The following PCDH9 variants were observed in gnomAD, a reference collection of about 807,000 sequenced individuals.
PCDH9 encodes the protein protocadherin 9.
Under a neutral mutation model 70.6 loss-of-function variants are expected in PCDH9, and 24 were observed. The observed-to-expected ratio is 0.34, with a 90% CI of 0.25 to 0.48. PCDH9 has a LOEUF of 0.48. Among genes scored for constraint, PCDH9 ranks in the 20% least tolerant of loss-of-function variants. The pLI, the probability that PCDH9 is intolerant of heterozygous loss-of-function variation, is 0.99. For missense variants in PCDH9, 1,281 were observed against 1,503.6 expected (o/e 0.85, Z 2.45); for synonymous variants, 562 against 558.5 (o/e 1.01, Z -0.09).
intron 4 of PCDH9, among the ~76,000 whole-genome samples, chr13:66,386,413 CT>C (rs938718453): frequency 1.3e-5 from 2 of 152,064 alleles, no homozygotes; most frequent in Non-Finnish European, 2.9e-5. Flanking sequence ...ATGAACATGA[CT>C]TTTTTGGATG....
chr13:67,079,157 T>A (rs965238566), intron 2 of PCDH9, among the ~76,000 whole-genome samples: 1 of 151,922 alleles, frequency 6.6e-6, no homozygotes. Flanking sequence ...TACTATGACC[T>A]GAAATATACT....
chr13:66,751,556 C>T (rs747331741), intron 3 of PCDH9, among the ~76,000 whole-genome samples: 7 of 152,014 alleles, frequency 4.6e-5, no homozygotes, highest in South Asian at 2.1e-4. Context: ...TTTATGTTAA[C>T]AATTATGTCT....
rs567835271 is a variant in PCDH9 at position 66,305,833 on chromosome 13, T to C, written c.3341-805A>G. Among the ~76,000 whole-genome samples, 24 of 152,194 alleles carry C rather than the reference T, an allele frequency of 1.6e-4. No homozygotes were observed. The South Asian group carries it at 4.8e-3, about 30-fold the overall frequency. On this transcript the variant is annotated intron_variant, in intron 4 of 4. Transcript: ENST00000377865. ...CTAACATTCAGGGGGAAGAAAGTGA[T>C]CATAGAATTTATCTTCTACTTTTTT...
chr13:66,504,933 C>G (rs1251854606), intron 4 of PCDH9, among the ~76,000 whole-genome samples: 5 of 152,184 alleles, frequency 3.3e-5, no homozygotes, highest in Non-Finnish European at 5.9e-5. Context: ...AATTCAAACT[C>G]CTTACCAGAG....
At chr13:66,752,825 A>G (rs1228216613) in intron 3 of PCDH9, among the ~76,000 whole-genome samples, 1 of 152,202 alleles carries the variant, frequency 6.6e-6, no homozygotes, top group African/African-American at 2.4e-5. Flanking sequence ...GATGTTCAGA[A>G]AAGAGAAATA....
intron 2 of PCDH9, among the ~76,000 whole-genome samples, chr13:67,184,898 A>G (rs2088711413): frequency 6.6e-6 from 1 of 152,116 alleles, no homozygotes; most frequent in Non-Finnish European, 1.5e-5. Flanking sequence ...TCATCCTTCA[A>G]ACCTCATCTT....
chr13:66,415,235 C>T (rs1336126055), intron 4 of PCDH9, among the ~76,000 whole-genome samples: 1 of 152,098 alleles, frequency 6.6e-6, no homozygotes, highest in East Asian at 1.9e-4. Flanking sequence ...CATCCCTCAC[C>T]TTTCTAATCA....
intron 3 of PCDH9, among the ~76,000 whole-genome samples, chr13:66,878,387 C>A (rs1268308406): frequency 6.6e-6 from 1 of 151,864 alleles, no homozygotes; most frequent in Non-Finnish European, 1.5e-5. Context: ...CCACCACGCC[C>A]GGCTAATTAT....
At chr13:67,072,941 C>T (rs1437012466) in intron 2 of PCDH9, among the ~76,000 whole-genome samples, 1 of 151,982 alleles carries the variant, frequency 6.6e-6, no homozygotes, top group Non-Finnish European at 1.5e-5. Context: ...TTTGTTCTTC[C>T]AACAAAAGAA....
chr13:67,045,608 T>A (rs2085208667), intron 2 of PCDH9, among the ~76,000 whole-genome samples: 1 of 152,078 alleles, frequency 6.6e-6, no homozygotes, highest in Non-Finnish European at 1.5e-5. Flanking sequence ...AAGTAAGGTT[T>A]CAAATTACCT....
At chr13:66,877,320 A>G (rs568318072) in intron 3 of PCDH9, among the ~76,000 whole-genome samples, 1 of 151,620 alleles carries the variant, frequency 6.6e-6, no homozygotes, top group African/African-American at 2.4e-5. Flanking sequence ...TAATAAAGCA[A>G]AATTTAAAAT....
At chr13:66,989,478 T>A (rs1422157961) in intron 2 of PCDH9, among the ~76,000 whole-genome samples, 1 of 151,962 alleles carries the variant, frequency 6.6e-6, no homozygotes, top group East Asian at 1.9e-4. Context: ...AGAAACAGAA[T>A]AAAATGTATT....
intron 4 of PCDH9, among the ~76,000 whole-genome samples, chr13:66,485,305 AT>A (rs1958918905): frequency 1.3e-5 from 2 of 152,224 alleles, no homozygotes; most frequent in Non-Finnish European, 2.9e-5. Flanking sequence ...TTGCTATAAA[AT>A]TTACCTTTAA....
chr13:66,537,542 C>T (rs528989095), intron 4 of PCDH9, among the ~76,000 whole-genome samples: 23 of 152,078 alleles, frequency 1.5e-4, no homozygotes, highest in Admixed American at 5.9e-4. Context: ...GCAGAATTTG[C>T]TTTGCACATT....
intron 4 of PCDH9, among the ~76,000 whole-genome samples, chr13:66,626,870 T>G (rs2077505856): frequency 6.6e-6 from 1 of 151,912 alleles, no homozygotes; most frequent in Non-Finnish European, 1.5e-5. Flanking sequence ...TAATATAAAA[T>G]CGATAATACT....
Position 66,339,957 on chromosome 13 carries a change from A to G in PCDH9, c.3341-34929T>C, listed in dbSNP as rs1476819168. Among the ~76,000 whole-genome samples the G allele has an allele frequency of 5.9e-5, 9 of 152,188 alleles. No individual in the cohort carries two copies. In the East Asian group the frequency reaches 1.5e-3, roughly 26 times the overall value. ...ATCCCTCAACACCTCTTAAAAATCTATTGTTCCTCAGGCTTAGCAACTTAC... is the reference window on the plus strand; with the variant it reads ...ATCCCTCAACACCTCTTAAAAATCTGTTGTTCCTCAGGCTTAGCAACTTAC... On this transcript the variant is annotated intron_variant, in intron 4 of 4. Transcript: ENST00000377865.
chr13:67,105,491 G>A (rs1035431722), intron 2 of PCDH9, among the ~76,000 whole-genome samples: 3 of 152,050 alleles, frequency 2.0e-5, no homozygotes, highest in Admixed American at 6.6e-5. Context: ...ACCCAGAGAT[G>A]AAGTGAGCCT....
intron 3 of PCDH9, among the ~76,000 whole-genome samples, chr13:66,798,260 A>G (rs1326319424): frequency 6.6e-6 from 1 of 152,168 alleles, no homozygotes; most frequent in Non-Finnish European, 1.5e-5. Context: ...ACCTTCTAAT[A>G]ATTTTTGAAC....
At chr13:66,610,588 C>T (rs1056595028) in intron 4 of PCDH9, among the ~76,000 whole-genome samples, 1 of 152,110 alleles carries the variant, frequency 6.6e-6, no homozygotes, top group Non-Finnish European at 1.5e-5. Flanking sequence ...ATTTCTGGCT[C>T]AAAATACCTG....
Sources: allele counts gnomAD v4.1 joint callset (sites outside exome capture counted in the v4.1 genomes callset), GRCh38; gene constraint gnomAD v4.1.1; transcripts MANE v1.5; gene names NCBI Gene and HGNC (gene_info 2026-07-23, HGNC 2026-07-21).